The following CDK14 variants were observed in gnomAD, a reference collection of about 807,000 sequenced individuals.
CDK14 encodes the protein cyclin-dependent kinase 14.
CDK14 carries 34 observed loss-of-function variants against 60.7 expected under a neutral mutation model. The ratio of observed to expected loss-of-function variants is 0.56; its 90% confidence interval spans 0.43 to 0.75. CDK14 has a LOEUF of 0.75. Ranked by LOEUF, CDK14 falls within the 30% of genes least tolerant of loss-of-function variation. The pLI is 0.00. For missense variants in CDK14, 482 were observed against 564.1 expected (o/e 0.85, Z 1.47); for synonymous variants, 197 against 203.7 (o/e 0.97, Z 0.28).
At chr7:91,142,519 A>G (rs779970760) in intron 14 of CDK14, among the ~76,000 whole-genome samples, 11 of 152,252 alleles carry the variant, frequency 7.2e-5, no homozygotes, top group Non-Finnish European at 1.3e-4. Flanking sequence ...TGTTGTAAGA[A>G]GAATTGACAA....
chr7:91,187,571 G>A (rs1211169685), intron 14 of CDK14, among the ~76,000 whole-genome samples: 4 of 152,190 alleles, frequency 2.6e-5, no homozygotes, highest in Admixed American at 2.6e-4. Context: ...CCCAAGGTCT[G>A]TAGTCTAGTG....
intron 10 of CDK14, among the ~76,000 whole-genome samples, chr7:91,013,261 T>A (rs2115827592): frequency 6.6e-6 from 1 of 151,940 alleles, no homozygotes; most frequent in African/African-American, 2.4e-5. Flanking sequence ...AGGCTTCTGA[T>A]TTGTTCTTCA....
chr7:90,968,855 G>C (rs143367386), intron 9 of CDK14, among the ~76,000 whole-genome samples: 9 of 150,874 alleles, frequency 6.0e-5, no homozygotes, highest in East Asian at 3.9e-4. Context: ...AGAATCTCAG[G>C]GTAGCTCTCT....
intron 10 of CDK14, among the ~76,000 whole-genome samples, chr7:90,990,666 T>C (rs544317978): frequency 2.9e-4 from 44 of 152,278 alleles, no homozygotes; most frequent in African/African-American, 9.9e-4. Flanking sequence ...TCATGATAAA[T>C]TTATGGTTTT....
chr7:90,638,732 A>T (rs1051840713), intron 2 of CDK14, among the ~76,000 whole-genome samples: 2 of 152,204 alleles, frequency 1.3e-5, no homozygotes, highest in Non-Finnish European at 2.9e-5. Flanking sequence ...GTGTTTTCCA[A>T]CTTGGTTATA....
intron 4 of CDK14, among the ~76,000 whole-genome samples, chr7:90,753,068 G>A (rs746733099): frequency 1.4e-4 from 22 of 152,168 alleles, no homozygotes; most frequent in Non-Finnish European, 2.6e-4. Context: ...GAAGTGCAGA[G>A]AAGAGATGGT....
intron 8 of CDK14, among the ~76,000 whole-genome samples, chr7:90,922,942 A>G (rs922824714): frequency 2.0e-5 from 3 of 152,022 alleles, no homozygotes; most frequent in African/African-American, 4.8e-5. Context: ...AGCCTCCCCC[A>G]CTATTAACAT....
At position 90,619,991 on chromosome 7, in the gene CDK14, C is replaced by G. The variant is rs184362673; in HGVS notation, c.123+15742C>G. 2.7e-4 allele frequency among the ~76,000 whole-genome samples: 41 copies of G among 151,942 alleles called. 1 individual carries two copies. The East Asian group carries it at 7.9e-3, about 29-fold the overall frequency. On this transcript the variant is annotated intron_variant, in intron 2 of 14. Coordinates refer to ENST00000380050, the MANE Select transcript of CDK14 (RefSeq NM_001287135.2). ...AGCCTGGGTGACAGAGCAAGACTCT[C>G]GAAACAACAACAACAAAAACAAATA...
intron 14 of CDK14, among the ~76,000 whole-genome samples, chr7:91,147,172 A>T (rs62470814): frequency 0.41 from 42,613 of 104,790 alleles, 9,172 homozygotes; most frequent in Non-Finnish European, 0.51. Flanking sequence ...TCACACACAC[A>T]CACACACACA....
intron 2 of CDK14, among the ~76,000 whole-genome samples, chr7:90,648,903 T>C (rs531560503): frequency 4.8e-4 from 73 of 152,348 alleles, no homozygotes; most frequent in African/African-American, 1.7e-3. Context: ...CATTTGCTAG[T>C]TCTCAAATAT....
chr7:90,971,653 T>TA (rs35135401), intron 9 of CDK14, among the ~76,000 whole-genome samples: 6,849 of 119,474 alleles, frequency 0.057, 370 homozygotes, highest in East Asian at 0.2. Flanking sequence ...ATATACATAG[T>TA]AAAAAAAAAA....
chr7:90,808,686 G>A (rs1358709464), intron 5 of CDK14, among the ~76,000 whole-genome samples: 3 of 152,168 alleles, frequency 2.0e-5, no homozygotes, highest in African/African-American at 4.8e-5. Context: ...TGGATAAAGA[G>A]TCAAGACCCA....
chr7:90,697,996 A>G (rs1801697758), intron 2 of CDK14, among the ~76,000 whole-genome samples: 1 of 128,058 alleles, frequency 7.8e-6, no homozygotes, highest in Admixed American at 1.0e-4. Context: ...TGAACCCAGG[A>G]GGTGGAGCTT....
chr7:90,646,367 A>G (rs1487758657), intron 2 of CDK14, among the ~76,000 whole-genome samples: 1 of 151,668 alleles, frequency 6.6e-6, no homozygotes, highest in Non-Finnish European at 1.5e-5. Context: ...TGAGTATTCT[A>G]AGCCCAAAGC....
At chr7:90,683,986 G>A (rs953748706) in intron 2 of CDK14, among the ~76,000 whole-genome samples, 13 of 151,936 alleles carry the variant, frequency 8.6e-5, no homozygotes, top group Admixed American at 7.2e-4. Context: ...GCACATGCAT[G>A]TGCACATACA....
chr7:90,773,334 G>A (rs1804863897), intron 4 of CDK14, among the ~76,000 whole-genome samples: 1 of 152,010 alleles, frequency 6.6e-6, no homozygotes, highest in African/African-American at 2.4e-5. Flanking sequence ...TTCTAGTTGT[G>A]TGACTTACAA....
In CDK14 at chr7:91,091,704, A is replaced by G. The variant is rs113255857; in HGVS notation, c.1154+12224A>G. On this transcript the variant is annotated intron_variant, in intron 12 of 14. Coordinates refer to ENST00000380050, the MANE Select transcript of CDK14 (RefSeq NM_001287135.2). ...AAAGGGAGAAGGAAGGAAGGAAGGA[A>G]GGAGGGAGGGAAGGAAAGAAGGAAG... Among the ~76,000 whole-genome samples the G allele has an allele frequency of 4.6e-4, 61 of 133,128 alleles. 1 individual carries two copies. The highest frequency in any genetic ancestry group is 1.5e-3 in the African/African-American group (48 of 33,084). 87.3% of individuals were successfully genotyped at this position (133,128 alleles called of 152,430 possible). A position where few individuals can be genotyped will look rare whatever the true frequency, so the allele number is the denominator to read the frequency against.
At chr7:90,874,458 T>C (rs955093451) in intron 6 of CDK14, among the ~76,000 whole-genome samples, 2 of 150,426 alleles carry the variant, frequency 1.3e-5, no homozygotes, top group Non-Finnish European at 3.0e-5. Flanking sequence ...AGCTTTATGC[T>C]CATTGGGTGT....
intron 5 of CDK14, among the ~76,000 whole-genome samples, chr7:90,812,426 G>A (rs6979363): frequency 0.81 from 122,368 of 151,888 alleles, 49,464 homozygotes; most frequent in East Asian, 0.96. Context: ...ATGAGAACAC[G>A]TGGACACAGG....
Sources: gnomAD v4.1 joint callset for allele counts (sites outside exome capture counted in the v4.1 genomes callset) on GRCh38, gnomAD v4.1.1 for gene constraint, MANE v1.5 for transcripts, NCBI Gene and HGNC (gene_info 2026-07-23, HGNC 2026-07-21) for gene names.